Variants in TPP2 observed in about 807,000 individuals in gnomAD.
The protein encoded by TPP2 is tripeptidyl peptidase 2, also known as tripeptidyl-peptidase 2.
TPP2 carries 34 observed loss-of-function variants against 155.9 expected under a neutral mutation model. That is an observed-to-expected ratio of 0.22 (90% confidence interval 0.17 to 0.29). The LOEUF (loss-of-function observed/expected upper bound fraction) is 0.29. Among genes scored for constraint, TPP2 ranks in the 10% least tolerant of loss-of-function variants. TPP2 has a pLI of 1.00. For missense variants in TPP2, 1,028 were observed against 1,522.3 expected (o/e 0.68, Z 5.40); for synonymous variants, 510 against 529.4 (o/e 0.96, Z 0.50).
intron 14 of TPP2, 61 bp downstream of exon 14, chr13:102,637,300 A>C (rs1595172491): frequency 6.5e-7 from 1 of 1,530,672 alleles, no homozygotes; most frequent in African/African-American, 1.4e-5. Context: ...AGGTTAAAAA[A>C]AAATCCAAAG....
At chr13:102,676,537 G>A (rs1316264170) in intron 29 of TPP2, 122 bp downstream of exon 29, 2 of 1,118,322 alleles carry the variant, frequency 1.8e-6, no homozygotes, top group Non-Finnish European at 2.6e-6. Context: ...AGTTATTACA[G>A]TAATTAGCGT....
intron 7 of TPP2, 22 bp from the exon 8 acceptor site, chr13:102,627,826 A>G: frequency 2.5e-6 from 4 of 1,574,238 alleles, no homozygotes; most frequent in African/African-American, 1.4e-5. Flanking sequence ...TGCCTAAACT[A>G]GAGTCTTAAT....
At chr13:102,661,187 G>A (rs893326893) in intron 25 of TPP2, among the ~76,000 whole-genome samples, 3 of 151,490 alleles carry the variant, frequency 2.0e-5, no homozygotes, top group Non-Finnish European at 2.9e-5. Context: ...TGAAAAGAAC[G>A]GCCTATTTGC....
intron 24 of TPP2, among the ~76,000 whole-genome samples, chr13:102,656,816 G>T (rs1310729781): frequency 1.3e-5 from 2 of 152,108 alleles, no homozygotes; most frequent in African/African-American, 4.8e-5. Context: ...AGAAAAGTAT[G>T]TTCTTATCTC....
chr13:102,641,785 T>C (rs145422475), intron 16 of TPP2, among the ~76,000 whole-genome samples: 5 of 152,328 alleles, frequency 3.3e-5, no homozygotes, highest in African/African-American at 1.2e-4. Flanking sequence ...TGGTTTATAA[T>C]GGAGCTATTG....
At chr13:102,630,297 G>C (rs199861766) in intron 10 of TPP2, 102 bp downstream of exon 10, 1 of 700,928 alleles carries the variant, frequency 1.4e-6, no homozygotes, top group African/African-American at 2.8e-5. Context: ...TTTTTCTGTT[G>C]GTTTTTACTT....
intron 1 of TPP2, among the ~76,000 whole-genome samples, chr13:102,601,755 G>T (rs1023028066): frequency 1.3e-5 from 2 of 152,080 alleles, no homozygotes; most frequent in African/African-American, 4.8e-5. Flanking sequence ...TCCTCAGGGG[G>T]TTTGCCTTTT....
intron 2 of TPP2, among the ~76,000 whole-genome samples, chr13:102,611,561 G>C (rs1368548804): frequency 6.6e-6 from 1 of 152,166 alleles, no homozygotes; most frequent in Non-Finnish European, 1.5e-5. Context: ...CTGAATCCCA[G>C]CTACTAGGGA....
At chr13:102,605,812 C>T (rs1043815551) in intron 2 of TPP2, among the ~76,000 whole-genome samples, 1 of 151,880 alleles carries the variant, frequency 6.6e-6, no homozygotes, top group Admixed American at 6.6e-5. Flanking sequence ...CAACCTCCGC[C>T]TCCCGGGTTC....
At chr13:102,665,340 A>T (rs1388991219) in intron 27 of TPP2, among the ~76,000 whole-genome samples, 1 of 152,252 alleles carries the variant, frequency 6.6e-6, no homozygotes, top group Non-Finnish European at 1.5e-5. Context: ...CAAACCTAAT[A>T]CGTGGTTTGT....
At chr13:102,673,486 G>GA (rs1173376402) in intron 27 of TPP2, among the ~76,000 whole-genome samples, 1 of 152,192 alleles carries the variant, frequency 6.6e-6, no homozygotes, top group Non-Finnish European at 1.5e-5. Context: ...CTTTTCCCTG[G>GA]AGTGTAGGTG....
rs768418675 is a variant in TPP2, at chr13:102,635,572, G to A, written c.1394-15G>A. 3.1e-6 allele frequency: 5 copies of A among 1,601,220 alleles called. No individual in the cohort carries two copies. The highest frequency in any genetic ancestry group is 4.3e-6 in the Non-Finnish European group (5 of 1,172,184). ...AGTGAGTGCTACACTACTTGTTTTT[G>A]TTTCTTAATTTTAGGTCTGAAAGCT... is the stretch of plus-strand genomic sequence containing the variant. On this transcript the variant is annotated splice_polypyrimidine_tract_variant and intron_variant, in intron 11 of 29. Coordinates refer to ENST00000376052, the MANE Select transcript of TPP2 (RefSeq NM_001330588.2).
At position 102,678,944 on chromosome 13, in the gene TPP2, C is replaced by T. The variant is rs948080724; in HGVS notation, c.*628C>T. On this transcript the variant is annotated 3_prime_UTR_variant, in exon 30 of 30. Transcript: ENST00000376052. The stretch of plus-strand genomic sequence containing the variant: ...ATTACAGGCAAGTCATTTTCACATC[C>T]TCTTGAGGTTCAGAGCATCAGAATG... 1 of 152,476 alleles carries T rather than the reference C, an allele frequency of 6.6e-6. No homozygotes were observed. The highest frequency in any genetic ancestry group is 6.6e-5 in the Admixed American group (1 of 15,258). 9.4% of individuals were successfully genotyped at this position (152,476 alleles called of 1,614,324 possible). A position where few individuals can be genotyped will look rare whatever the true frequency, so the allele number is the denominator to read the frequency against.
At chr13:102,598,182 T>C (rs979448535) in intron 1 of TPP2, among the ~76,000 whole-genome samples, 1 of 152,214 alleles carries the variant, frequency 6.6e-6, no homozygotes, top group Non-Finnish European at 1.5e-5. Context: ...TGAAATCCAG[T>C]AATAAAATTT....
intron 14 of TPP2, among the ~76,000 whole-genome samples, chr13:102,637,993 A>G (rs1482611167): frequency 6.6e-6 from 1 of 152,206 alleles, no homozygotes; most frequent in African/African-American, 2.4e-5. Context: ...AGTTGGGAGT[A>G]ATTAAAATGC....
chr13:102,597,198 A>T lies in TPP2; in HGVS notation c.160A>T (p.Met54Leu), dbSNP rs1167588785. Residue 54 changes from methionine to leucine, a missense_variant, in exon 1 of 30, where the codon ATG becomes TTG. This residue lies in a region of TPP2 where 300 missense variants were observed against 398.3 expected (regional missense o/e 0.75). Coordinates refer to ENST00000376052, the MANE Select transcript of TPP2 (RefSeq NM_001330588.2). Reference protein sequence around the residue: ...DTGVDPGAPGMQVTTDGKPKI... With the variant: ...DTGVDPGAPGLQVTTDGKPKI... ...GGGGGTCGACCCGGGGGCTCCGGGC[A>T]TGCAGGTGAGGCGGCCCCCGAGGGC... The T allele has an allele frequency of 6.1e-6, 9 of 1,473,658 alleles. No individual in the cohort carries two copies. Among genetic ancestry groups the T allele is most frequent in the African/African-American group, 2.9e-5 (2 of 68,242 alleles). The allele number at this position is 1,473,658 out of a possible 1,614,324, so 91.3% of individuals were successfully genotyped here.
chr13:102,643,240 G>T lies in TPP2; in HGVS notation c.2039G>T (p.Cys680Phe), dbSNP rs1439806691. The change falls in exon 17 of 30, where the codon TGT (cysteine) becomes TTT (phenylalanine). Residue 680 changes from cysteine to phenylalanine, a missense_variant. This residue lies in a region of TPP2 where 325 missense variants were observed against 463.7 expected (regional missense o/e 0.70). Transcript: ENST00000376052. ...ATWAEVTVCS[C>F]SSEVSAKFVL... ...ATTTTAGAAGTGACAGTGTGTTCGT[G>T]TTCTTCTGAGGTGTCAGCAAAGTTT... 1 of 1,602,346 alleles carries T rather than the reference G, an allele frequency of 6.2e-7. No homozygotes were observed. Among genetic ancestry groups the T allele is most frequent in the Non-Finnish European group, 8.5e-7 (1 of 1,176,446 alleles).
In TPP2 at chr13:102,629,554, T is replaced by C. The variant is rs1404617195; in HGVS notation, c.1089T>C (p.Asn363=). The part of the protein sequence containing the change: ...NIIYVSSAGN[N]GPCLSTVGCP... ...TTTATGTTTCAAGTGCTGGAAATAATGGTCCATGCCTGTCTACAGTTGGTT... is the reference window on the plus strand; with the variant it reads ...TTTATGTTTCAAGTGCTGGAAATAACGGTCCATGCCTGTCTACAGTTGGTT... Residue 363 remains asparagine, a synonymous_variant, in exon 9 of 30, where the codon AAT becomes AAC. Coordinates refer to ENST00000376052, the MANE Select transcript of TPP2 (RefSeq NM_001330588.2). 28 of 1,547,120 alleles carry C rather than the reference T, an allele frequency of 1.8e-5. No homozygotes were observed. The highest frequency in any genetic ancestry group is 2.4e-5 in the Non-Finnish European group (28 of 1,156,240).
intron 1 of TPP2, among the ~76,000 whole-genome samples, chr13:102,600,615 T>A (rs1246889684): frequency 1.3e-5 from 2 of 152,232 alleles, no homozygotes; most frequent in Non-Finnish European, 2.9e-5. Flanking sequence ...TTTGAAAGCA[T>A]GTATCAAAAT....
Sources: allele counts gnomAD v4.1 joint callset (sites outside exome capture counted in the v4.1 genomes callset), GRCh38; gene constraint gnomAD v4.1.1; regional missense constraint gnomAD v4.1.1; transcripts MANE v1.5; gene names NCBI Gene and HGNC (gene_info 2026-07-23, HGNC 2026-07-21).